NSL1: variants seen among roughly 807,000 people sequenced by gnomAD.
NSL1 encodes NSL1 component of MIS12 kinetochore complex, also known as kinetochore-associated protein NSL1 homolog.
NSL1 carries 11 observed loss-of-function variants against 25.4 expected under a neutral mutation model. The observed-to-expected ratio is 0.43, with a 90% CI of 0.27 to 0.72. The LOEUF is 0.72. NSL1 is among the 30% of genes least tolerant of loss of function. NSL1 has a pLI of 0.19. For synonymous variants in NSL1, 118 were observed against 120.6 expected (o/e 0.98, Z 0.14); for missense variants, 330 against 342.7 (o/e 0.96, Z 0.29).
chr1:212,741,450 G>A (rs138152556), intron 4 of NSL1, among the ~76,000 whole-genome samples: 59 of 152,260 alleles, frequency 3.9e-4, no homozygotes, highest in African/African-American at 1.3e-3. Flanking sequence ...TTGGATCACG[G>A]GGCGATTTCC....
At chr1:212,741,029 T>C (rs1658478967) in intron 4 of NSL1, among the ~76,000 whole-genome samples, 1 of 152,224 alleles carries the variant, frequency 6.6e-6, no homozygotes, top group Non-Finnish European at 1.5e-5. Context: ...AAGGAAATGC[T>C]AAATTTCAGT....
intron 4 of NSL1, chr1:212,782,050 T>C (rs1199786371): frequency 3.4e-6 from 2 of 582,848 alleles, no homozygotes; most frequent in Non-Finnish European, 6.6e-6. Flanking sequence ...TAGCTTTGGC[T>C]GTAATGCAAA....
chr1:212,780,643 C>A (rs1411203028), intron 4 of NSL1, among the ~76,000 whole-genome samples: 2 of 152,020 alleles, frequency 1.3e-5, no homozygotes, highest in Non-Finnish European at 2.9e-5. Flanking sequence ...TTTTAAGGCC[C>A]ATAGAAATTT....
In NSL1 at chr1:212,735,677, G is replaced by A; in HGVS notation, c.*2731C>T. 1 of 343,744 alleles carries A rather than the reference G, an allele frequency of 2.9e-6. No homozygotes were observed. The highest frequency in any genetic ancestry group is 4.1e-6 in the Non-Finnish European group (1 of 243,700). 21.3% of individuals were successfully genotyped at this position (343,744 alleles called of 1,614,324 possible). The stretch of plus-strand genomic sequence containing the variant: ...TAATTAAGGTTAAATGAGGCCATAA[G>A]GGTGGGGCTCTGATCTGATACAATT... On this transcript the variant is annotated 3_prime_UTR_variant, in exon 6 of 6. Transcript: ENST00000366977.
At chr1:212,767,404 T>C (rs1320087398) in intron 4 of NSL1, among the ~76,000 whole-genome samples, 2 of 152,156 alleles carry the variant, frequency 1.3e-5, no homozygotes, top group Non-Finnish European at 2.9e-5. Flanking sequence ...TCTCTCACCT[T>C]ATACAAAAAT....
intron 4 of NSL1, among the ~76,000 whole-genome samples, chr1:212,739,858 G>A (rs1658425213): frequency 6.6e-6 from 1 of 152,122 alleles, no homozygotes; most frequent in Non-Finnish European, 1.5e-5. Flanking sequence ...AGAGTTCAAT[G>A]TTCATTCTAT....
At position 212,748,379 on chromosome 1, in the gene NSL1, G is replaced by A. The variant is rs146318275; in HGVS notation, c.500-8778C>T. Among the ~76,000 whole-genome samples the A allele has an allele frequency of 4.2e-3, 637 of 152,210 alleles. 4 individuals carry two copies. The highest frequency in any genetic ancestry group is 6.3e-3 in the Non-Finnish European group (429 of 68,004). ...ATGTGACCCAAAAATTCTATTTCTA[G>A]ATATATATCTACGAGAGATGAGTAT... On this transcript the variant is annotated intron_variant, in intron 4 of 5. Coordinates refer to ENST00000366977, the MANE Select transcript of NSL1 (RefSeq NM_015471.4).
At chr1:212,740,201 T>TC (rs1658438715) in intron 4 of NSL1, among the ~76,000 whole-genome samples, 1 of 152,228 alleles carries the variant, frequency 6.6e-6, no homozygotes, top group South Asian at 2.1e-4. Flanking sequence ...GAATTACTTT[T>TC]TAGAAGAGTA....
In NSL1 at chr1:212,782,367, C is replaced by G. The variant is rs748077804; in HGVS notation, c.499+5G>C. 9 of 1,602,576 alleles carry G rather than the reference C, an allele frequency of 5.6e-6. No homozygotes were observed. Among genetic ancestry groups the G allele is most frequent in the Non-Finnish European group, 7.7e-6 (9 of 1,169,572 alleles). ...CATTTTTACCACAAATGGATACTGA[C>G]TCACCTGGATCAGGGTCATATTTTA... On this transcript the variant is annotated splice_donor_5th_base_variant and intron_variant, in intron 4 of 5. Transcript: ENST00000366977.
At chr1:212,742,161 T>C (rs1658538133) in intron 4 of NSL1, among the ~76,000 whole-genome samples, 1 of 152,200 alleles carries the variant, frequency 6.6e-6, no homozygotes, top group African/African-American at 2.4e-5. Context: ...ATAATATTCA[T>C]CAAAATATGT....
At chr1:212,759,180 G>GA (rs905772047) in intron 4 of NSL1, among the ~76,000 whole-genome samples, 104 of 150,196 alleles carry the variant, frequency 6.9e-4, no homozygotes, top group African/African-American at 1.0e-3. Context: ...GCAACCAAAG[G>GA]AAAAAAAAAT....
intron 4 of NSL1, among the ~76,000 whole-genome samples, chr1:212,768,140 T>C (rs905884957): frequency 1.3e-5 from 2 of 151,804 alleles, no homozygotes; most frequent in African/African-American, 2.4e-5. Context: ...GCCAATATGG[T>C]GAAACCCTGT....
In NSL1 at chr1:212,769,278, T is replaced by C. The variant is rs142814341; in HGVS notation, c.499+13094A>G. 4.6e-5 allele frequency among the ~76,000 whole-genome samples: 7 copies of C among 152,210 alleles called. No homozygotes were observed. In the East Asian group the frequency reaches 5.8e-4, roughly 13 times the overall value. ...TACAGGAAGCTCAAAATTCTGCAAA[T>C]AGATTGAATCCCAAAAGGTCTTCAC... On this transcript the variant is annotated intron_variant, in intron 4 of 5. Transcript: ENST00000366977.
Position 212,737,963 on chromosome 1 carries a change from T to C in NSL1, c.*445A>G. 9.1e-6 allele frequency: 9 copies of C among 985,846 alleles called. No individual in the cohort carries two copies. The highest frequency in any genetic ancestry group is 1.1e-5 in the Non-Finnish European group (9 of 830,354). 61.1% of individuals were successfully genotyped at this position (985,846 alleles called of 1,614,324 possible). On this transcript the variant is annotated 3_prime_UTR_variant, in exon 6 of 6. Transcript: ENST00000366977. ...TAAAAAAAAACCCTGCATCTGCTGC[T>C]GTGCAGAACTGATAATTACTTTTCA...
chr1:212,736,017 C>T lies in NSL1; in HGVS notation c.*2391G>A, dbSNP rs748929643. 3 of 985,390 alleles carry T rather than the reference C, an allele frequency of 3.0e-6. No individual in the cohort carries two copies. Among genetic ancestry groups the T allele is most frequent in the Non-Finnish European group, 3.6e-6 (3 of 829,916 alleles). The allele number at this position is 985,390 out of a possible 1,614,324, so 61.0% of individuals were successfully genotyped here. ...TGACAGTGTTCTCTCTTCTTTGGGACTAGACTTAACCTTCTTGTGTTCTTC... is the reference window on the plus strand; with the variant it reads ...TGACAGTGTTCTCTCTTCTTTGGGATTAGACTTAACCTTCTTGTGTTCTTC... On this transcript the variant is annotated 3_prime_UTR_variant, in exon 6 of 6. Coordinates refer to ENST00000366977, the MANE Select transcript of NSL1 (RefSeq NM_015471.4).
chr1:212,740,210 T>C (rs1046252609), intron 4 of NSL1, among the ~76,000 whole-genome samples: 16 of 152,120 alleles, frequency 1.1e-4, no homozygotes, highest in African/African-American at 3.9e-4. Flanking sequence ...TTTAGAAGAG[T>C]AGTTCTCACT....
intron 1 of NSL1, among the ~76,000 whole-genome samples, chr1:212,788,888 C>G (rs143641461): frequency 4.6e-5 from 7 of 152,234 alleles, no homozygotes; most frequent in African/African-American, 1.7e-4. Context: ...AACAATTCAT[C>G]AGCATGACAT....
chr1:212,752,768 GGGAAATGAAAAAGT>G (rs1659124866), intron 4 of NSL1, among the ~76,000 whole-genome samples: 2 of 151,882 alleles, frequency 1.3e-5, no homozygotes, highest in Admixed American at 6.6e-5. Flanking sequence ...CTAAAACACA[GGGAAATGAAAAAGT>G]GGAAATGAAA....
intron 1 of NSL1, among the ~76,000 whole-genome samples, chr1:212,790,558 G>A (rs1661162882): frequency 6.6e-6 from 1 of 151,966 alleles, no homozygotes; most frequent in African/African-American, 2.4e-5. Flanking sequence ...TTATATTAGC[G>A]GAAAAAATTT....
Sources: allele counts gnomAD v4.1 joint callset (sites outside exome capture counted in the v4.1 genomes callset), GRCh38; gene constraint gnomAD v4.1.1; transcripts MANE v1.5; gene names NCBI Gene and HGNC (gene_info 2026-07-23, HGNC 2026-07-21).